Variants in SYNCRIP observed in about 807,000 individuals in gnomAD.
SYNCRIP encodes synaptotagmin binding cytoplasmic RNA interacting protein, also known as heterogeneous nuclear ribonucleoprotein Q.
A neutral mutation model predicts 68.9 loss-of-function variants in SYNCRIP; 9 were observed. The ratio of observed to expected loss-of-function variants is 0.13; its 90% CI spans 0.08 to 0.23. The LOEUF is 0.23. Ranked by LOEUF, SYNCRIP falls within the 10% of genes least tolerant of loss-of-function variation. The pLI is 1.00. For missense variants in SYNCRIP, 414 were observed against 770.6 expected (o/e 0.54, Z 5.48); for synonymous variants, 258 against 254.0 (o/e 1.02, Z -0.15).
intron 6 of SYNCRIP, among the ~76,000 whole-genome samples, chr6:85,630,836 G>C (rs1807687710): frequency 6.6e-6 from 1 of 152,022 alleles, no homozygotes; most frequent in Non-Finnish European, 1.5e-5. Flanking sequence ...TATTCTAATG[G>C]GAAAAGACAT....
chr6:85,627,466 G>A (rs1214906933), intron 6 of SYNCRIP, among the ~76,000 whole-genome samples: 8 of 151,842 alleles, frequency 5.3e-5, no homozygotes, highest in Admixed American at 1.3e-4. Context: ...TTTTTTGTAC[G>A]TGTATTTGAA....
At chr6:85,608,225 G>A (rs1804981563), downstream of SYNCRIP, 2 of 152,158 alleles carry the variant, frequency 1.3e-5, no homozygotes, top group South Asian at 4.1e-4. Context: ...TAATCAAAGG[G>A]CGACAGACCT....
chr6:85,631,226 C>T (rs1325621921), intron 6 of SYNCRIP, among the ~76,000 whole-genome samples: 1 of 151,670 alleles, frequency 6.6e-6, no homozygotes, highest in African/African-American at 2.4e-5. Flanking sequence ...ACCTGTAATC[C>T]CAGCTACTCA....
intron 10 of SYNCRIP, among the ~76,000 whole-genome samples, chr6:85,617,286 AAC>A (rs1334974431): frequency 6.6e-6 from 1 of 152,074 alleles, no homozygotes; most frequent in Non-Finnish European, 1.5e-5. Context: ...TTCAAATATT[AAC>A]AGATATACTG....
chr6:85,634,593 T>TA (rs1047909842), intron 6 of SYNCRIP, among the ~76,000 whole-genome samples: 13 of 151,738 alleles, frequency 8.6e-5, no homozygotes, highest in African/African-American at 2.7e-4. Context: ...TTTTTTTTTT[T>TA]ATTGGGTTTT....
Position 85,624,119 on chromosome 6 carries a change from G to C in SYNCRIP, c.667-7C>G, listed in dbSNP as rs1363356129. ...GAATTTCATGATTATTATACTGAAAGGGGAAAAAGTGCATCATGTTTTTAA... is the reference window on the plus strand; with the variant it reads ...GAATTTCATGATTATTATACTGAAACGGGAAAAAGTGCATCATGTTTTTAA... On this transcript the variant is annotated splice_polypyrimidine_tract_variant and splice_region_variant and intron_variant, in intron 6 of 10. Transcript: ENST00000369622. 6.2e-7 allele frequency: 1 copy of C among 1,608,636 alleles called. No individual in the cohort carries two copies. The highest frequency in any genetic ancestry group is 1.7e-5 in the Admixed American group (1 of 58,766).
intron 8 of SYNCRIP, 130 bp from the exon 9 acceptor site, chr6:85,619,547 A>G: frequency 1.2e-6 from 1 of 839,624 alleles, no homozygotes; most frequent in Non-Finnish European, 1.7e-6. Flanking sequence ...AAAAAAAAAA[A>G]AGTTTTCAAC....
chr6:85,623,625 A>G (rs1343942925), intron 7 of SYNCRIP, among the ~76,000 whole-genome samples: 1 of 150,884 alleles, frequency 6.6e-6, no homozygotes, highest in Non-Finnish European at 1.5e-5. Flanking sequence ...TAATTTCAAG[A>G]ACATCAAATC....
At chr6:85,624,681 A>G (rs534321020) in intron 6 of SYNCRIP, among the ~76,000 whole-genome samples, 2 of 152,374 alleles carry the variant, frequency 1.3e-5, no homozygotes, top group East Asian at 3.9e-4. Flanking sequence ...GCAAAAATAT[A>G]CAGAAACAAC....
At chr6:85,623,949 C>A (rs762799987) in intron 7 of SYNCRIP, 28 bp downstream of exon 7, 3 of 1,611,730 alleles carry the variant, frequency 1.9e-6, no homozygotes, top group Admixed American at 1.7e-5. Flanking sequence ...TTAAAAGCTG[C>A]ACCTCATTCC....
chr6:85,630,211 A>T (rs1807572486), intron 6 of SYNCRIP, among the ~76,000 whole-genome samples: 1 of 151,712 alleles, frequency 6.6e-6, no homozygotes, highest in African/African-American at 2.4e-5. Flanking sequence ...AATACAAAAA[A>T]ATTAGCCGGG....
chr6:85,619,435 C>T lies in SYNCRIP; in HGVS notation c.1009-18G>A, dbSNP rs751686987. ...ACTTTTACCTAGGGGGAAGAAAATA[C>T]CCCCCTGTATTATTTCCAAAGAGTT... On this transcript the variant is annotated intron_variant, in intron 8 of 10. Coordinates refer to ENST00000369622, the MANE Select transcript of SYNCRIP (RefSeq NM_006372.5). 1.2e-6 allele frequency: 2 copies of T among 1,605,912 alleles called. No homozygotes were observed. The highest frequency in any genetic ancestry group is 1.7e-6 in the Non-Finnish European group (2 of 1,177,080).
intron 6 of SYNCRIP, among the ~76,000 whole-genome samples, chr6:85,634,850 TAGG>T (rs1040606716): frequency 2.2e-4 from 33 of 152,062 alleles, no homozygotes; most frequent in Non-Finnish European, 4.4e-5. Flanking sequence ...GAAGCCGAGG[TAGG>T]AGGACTGCTT....
intron 6 of SYNCRIP, among the ~76,000 whole-genome samples, chr6:85,634,315 A>T (rs1808183801): frequency 6.6e-6 from 1 of 152,360 alleles, no homozygotes; most frequent in Non-Finnish European, 1.5e-5. Context: ...TCTGGAAAAC[A>T]TCTATAAATA....
chr6:85,623,677 G>A (rs1189748690), intron 7 of SYNCRIP, among the ~76,000 whole-genome samples: 3 of 149,846 alleles, frequency 2.0e-5, no homozygotes, highest in African/African-American at 7.4e-5. Context: ...CTAACACCTA[G>A]AGAAAGAACA....
At chr6:85,618,785 T>C in intron 10 of SYNCRIP, 33 bp downstream of exon 10, 3 of 1,524,426 alleles carry the variant, frequency 2.0e-6, no homozygotes, top group Non-Finnish European at 2.7e-6. Flanking sequence ...TATTAAAATT[T>C]ATACAATTTT....
At chr6:85,613,548 T>C (rs1360724222), downstream of SYNCRIP, among the ~76,000 whole-genome samples, 2 of 152,158 alleles carry the variant, frequency 1.3e-5, no homozygotes, top group African/African-American at 2.4e-5. Context: ...GTATAGACCA[T>C]ATGGCCAAAA....
intron 6 of SYNCRIP, among the ~76,000 whole-genome samples, chr6:85,636,039 G>A (rs1267226918): frequency 3.3e-5 from 5 of 152,088 alleles, no homozygotes; most frequent in Admixed American, 3.3e-4. Context: ...TACATTCTAT[G>A]GGTTTAAATT....
At chr6:85,635,461 T>A (rs1183084483) in intron 6 of SYNCRIP, among the ~76,000 whole-genome samples, 1 of 152,152 alleles carries the variant, frequency 6.6e-6, no homozygotes, top group Non-Finnish European at 1.5e-5. Context: ...GTGGGGAATA[T>A]TCACACAACA....
Sources: allele counts gnomAD v4.1 joint callset (sites outside exome capture counted in the v4.1 genomes callset), GRCh38; gene constraint gnomAD v4.1.1; transcripts MANE v1.5; gene names NCBI Gene and HGNC (gene_info 2026-07-23, HGNC 2026-07-21).